PDE5A: variants seen among roughly 807,000 people sequenced by gnomAD.
PDE5A encodes the protein phosphodiesterase 5A.
PDE5A carries 67 observed loss-of-function variants against 110.2 expected under a neutral mutation model. The ratio of observed to expected loss-of-function variants is 0.61; its 90% CI spans 0.50 to 0.75. The LOEUF (loss-of-function observed/expected upper bound fraction) is 0.75. Among genes scored for constraint, PDE5A ranks in the 30% least tolerant of loss-of-function variants. The pLI is 0.00. For synonymous variants in PDE5A, 328 were observed against 351.2 expected (o/e 0.93, Z 0.74); for missense variants, 862 against 1,045.1 (o/e 0.82, Z 2.42).
At chr4:119,541,575 A>C (rs191694833) in intron 10 of PDE5A, among the ~76,000 whole-genome samples, 1 of 152,250 alleles carries the variant, frequency 6.6e-6, no homozygotes, top group Admixed American at 6.6e-5. Context: ...GGTATATTTT[A>C]TATAATATAT....
At chr4:119,607,358 A>T in intron 1 of PDE5A, 61 bp from the exon 2 acceptor site, 4 of 984,466 alleles carry the variant, frequency 4.1e-6, no homozygotes, top group Non-Finnish European at 6.0e-6. Flanking sequence ...TATGCCTGAG[A>T]GCTCCTAAAC....
At chr4:119,506,007 T>G (rs1284734244) in intron 16 of PDE5A, 75 bp from the exon 17 acceptor site, 1 of 718,674 alleles carries the variant, frequency 1.4e-6, no homozygotes, top group African/African-American at 1.9e-5. Flanking sequence ...CAAAGACTCA[T>G]GGACTAAATT....
At chr4:119,548,044 ATTTTTTTT>A (rs11438089) in intron 9 of PDE5A, among the ~76,000 whole-genome samples, 3 of 94,802 alleles carry the variant, frequency 3.2e-5, no homozygotes, top group African/African-American at 1.3e-4. Flanking sequence ...TTCTCCGTGT[ATTTTTTTT>A]TTTTTTTTTT....
Position 119,542,441 on chromosome 4 carries a change from T to A in PDE5A, c.1572+18A>T. On this transcript the variant is annotated intron_variant, in intron 10 of 20. Transcript: ENST00000354960. Reference sequence around the variant, plus strand: ...GGGTTTGGCTGTACAGTGTGAGAGGTCCCTAAACTTCACCCACCTCCAATG... The same window carrying A: ...GGGTTTGGCTGTACAGTGTGAGAGGACCCTAAACTTCACCCACCTCCAATG... The A allele has an allele frequency of 6.2e-7, 1 of 1,610,686 alleles. No individual in the cohort carries two copies. Among genetic ancestry groups the A allele is most frequent in the Non-Finnish European group, 8.5e-7 (1 of 1,177,636 alleles).
intron 5 of PDE5A, among the ~76,000 whole-genome samples, chr4:119,565,060 C>T (rs1342551490): frequency 6.6e-6 from 1 of 152,020 alleles, no homozygotes; most frequent in Non-Finnish European, 1.5e-5. Flanking sequence ...AGAATGATTC[C>T]AGTAGGATAA....
chr4:119,603,375 AATACATACATAC>A (rs10579225), intron 2 of PDE5A, among the ~76,000 whole-genome samples: 6 of 148,706 alleles, frequency 4.0e-5, no homozygotes, highest in East Asian at 2.0e-4. Flanking sequence ...GCTTAAAATA[AATACATACATAC>A]ATACATACAT....
rs773055797 is a variant in PDE5A at position 119,627,187 on chromosome 4, G to A, written c.152+1333C>T. On this transcript the variant is annotated intron_variant, in intron 1 of 20. Coordinates refer to ENST00000354960, the MANE Select transcript of PDE5A (RefSeq NM_001083.4). This position sits in a 1 kb window ranked among gnomAD's most constrained non-coding sequence, Gnocchi z 4.6. ...CCAAAGGGCAACATAGCAAACGTGG[G>A]AAGTTCGTTTTCGAACTCCGCCGAT... 1.2e-6 allele frequency: 2 copies of A among 1,612,938 alleles called. No individual in the cohort carries two copies. The highest frequency in any genetic ancestry group is 1.6e-4 in the Middle Eastern group (1 of 6,062).
Position 119,596,522 on chromosome 4 carries a change from C to T in PDE5A, c.831+1G>A. On this transcript the variant is annotated splice_donor_variant, in intron 3 of 20. Transcript: ENST00000354960. LOFTEE classifies it high-confidence loss of function. ...TTTTATAAAATGGAAAATTGGCTTA[C>T]CTCTTCCCTATGATTCTTAATTGGC... 1 of 1,553,228 alleles carries T rather than the reference C, an allele frequency of 6.4e-7. No individual in the cohort carries two copies. Among genetic ancestry groups the T allele is most frequent in the Non-Finnish European group, 8.8e-7 (1 of 1,142,466 alleles).
At chr4:119,544,653 C>T (rs1238231439) in intron 9 of PDE5A, among the ~76,000 whole-genome samples, 1 of 152,266 alleles carries the variant, frequency 6.6e-6, no homozygotes, top group Admixed American at 6.5e-5. Flanking sequence ...TAGCCTTTTT[C>T]ATAAACAAGA....
chr4:119,500,351 TGGCGAGAATCCTGGAGTA>T (rs958192414), intron 20 of PDE5A: 1 of 151,592 alleles, frequency 6.6e-6, no homozygotes, highest in African/African-American at 2.4e-5. Flanking sequence ...ATTCTTTTGA[TGGCGAGAATCCTGGAGTA>T]GGAGTGAGAA....
chr4:119,522,201 A>AT (rs1279218256), intron 12 of PDE5A, among the ~76,000 whole-genome samples: 1 of 151,956 alleles, frequency 6.6e-6, no homozygotes, highest in Non-Finnish European at 1.5e-5. Flanking sequence ...GGAAATTCTG[A>AT]TAACAAAGAA....
chr4:119,578,005 C>T (rs1448412076), intron 3 of PDE5A, among the ~76,000 whole-genome samples: 3 of 152,166 alleles, frequency 2.0e-5, no homozygotes, highest in Non-Finnish European at 4.4e-5. Context: ...GACACAAAAT[C>T]GATGGGCAAA....
intron 12 of PDE5A, among the ~76,000 whole-genome samples, chr4:119,523,630 C>T (rs1726206631): frequency 6.6e-6 from 1 of 152,010 alleles, no homozygotes; most frequent in Non-Finnish European, 1.5e-5. Flanking sequence ...ATATTTTCCT[C>T]ATGGATAAAA....
chr4:119,570,789 A>T (rs1025214913), intron 3 of PDE5A, among the ~76,000 whole-genome samples: 7 of 151,942 alleles, frequency 4.6e-5, no homozygotes, highest in African/African-American at 1.7e-4. Context: ...AATCATAGCT[A>T]TCCCTCTCTC....
At chr4:119,567,051 T>C (rs376104722) in intron 4 of PDE5A, 22 bp downstream of exon 4, 25 of 1,567,366 alleles carry the variant, frequency 1.6e-5, no homozygotes, top group African/African-American at 1.5e-4. Context: ...AATTGGCTCA[T>C]GTCTGACACA....
intron 11 of PDE5A, among the ~76,000 whole-genome samples, chr4:119,535,330 G>C (rs1259218859): frequency 2.0e-5 from 3 of 152,050 alleles, no homozygotes; most frequent in Admixed American, 6.6e-5. Flanking sequence ...CCGGATAAGA[G>C]AATCTGGCTG....
At chr4:119,503,263 G>C (rs1388363085) in intron 18 of PDE5A, among the ~76,000 whole-genome samples, 1 of 152,054 alleles carries the variant, frequency 6.6e-6, no homozygotes, top group Admixed American at 6.6e-5. Flanking sequence ...ATTTATTACG[G>C]ACTCAAAATG....
intron 1 of PDE5A, among the ~76,000 whole-genome samples, chr4:119,624,622 G>A (rs532687085): frequency 3.9e-5 from 6 of 152,250 alleles, no homozygotes; most frequent in African/African-American, 1.2e-4. Context: ...GCTTTTGCCT[G>A]TACAAAACAA....
chr4:119,522,333 A>G (rs1726156556), intron 12 of PDE5A, among the ~76,000 whole-genome samples: 1 of 152,032 alleles, frequency 6.6e-6, no homozygotes, highest in South Asian at 2.1e-4. Context: ...CCATTTTTTC[A>G]TATCTGAATA....
Sources: allele counts gnomAD v4.1 joint callset (sites outside exome capture counted in the v4.1 genomes callset), GRCh38; gene constraint gnomAD v4.1.1; non-coding constraint Gnocchi (gnomAD v3.1); transcripts MANE v1.5; gene names NCBI Gene and HGNC (gene_info 2026-07-23, HGNC 2026-07-21).